The following GADL1 variants were observed in gnomAD, a reference collection of about 807,000 sequenced individuals.
GADL1 encodes GAD like acidic amino acid decarboxylase 1, also known as acidic amino acid decarboxylase GADL1.
GADL1 carries 71 observed loss-of-function variants against 69.5 expected under a neutral mutation model. The ratio of observed to expected loss-of-function variants is 1.02; its 90% confidence interval spans 0.84 to 1.25. The LOEUF is 1.25. Ranked by LOEUF, GADL1 falls within the 50% of genes most tolerant of loss-of-function variation. GADL1 has a pLI of 0.00. For missense variants in GADL1, 737 were observed against 631.8 expected (o/e 1.17, Z -1.79); for synonymous variants, 254 against 214.4 (o/e 1.18, Z -1.62).
At chr3:30,794,577 G>A (rs1262566446) in intron 12 of GADL1, among the ~76,000 whole-genome samples, 1 of 151,990 alleles carries the variant, frequency 6.6e-6, no homozygotes, top group Non-Finnish European at 1.5e-5. Flanking sequence ...ACTGATTTTC[G>A]AACCAAAGAA....
intron 14 of GADL1, among the ~76,000 whole-genome samples, chr3:30,754,113 T>TTA (rs1695906118): frequency 6.6e-6 from 1 of 152,240 alleles, no homozygotes; most frequent in Non-Finnish European, 1.5e-5. Flanking sequence ...TGATTGCTAA[T>TTA]GTGCCTCCCA....
intron 11 of GADL1, among the ~76,000 whole-genome samples, chr3:30,821,934 T>C (rs1489458877): frequency 6.6e-6 from 1 of 152,024 alleles, no homozygotes; most frequent in Non-Finnish European, 1.5e-5. Context: ...TTCCTCTACT[T>C]TTCTCCTCCA....
chr3:30,811,337 T>C (rs1181899871), intron 11 of GADL1, among the ~76,000 whole-genome samples: 3 of 152,228 alleles, frequency 2.0e-5, no homozygotes, highest in African/African-American at 7.2e-5. Flanking sequence ...AGAGAATGTG[T>C]AAGTGCCTCT....
At chr3:30,872,903 T>C (rs996782681) in intron 1 of GADL1, among the ~76,000 whole-genome samples, 2 of 151,966 alleles carry the variant, frequency 1.3e-5, no homozygotes, top group Non-Finnish European at 2.9e-5. Flanking sequence ...TTACTAAGTA[T>C]ACTCTCTTGA....
rs574784962 is a variant in GADL1, at chr3:30,802,174, G to T, written c.1051-1086C>A. On this transcript the variant is annotated intron_variant, in intron 11 of 14. Coordinates refer to ENST00000282538, the MANE Select transcript of GADL1 (RefSeq NM_207359.3). The stretch of plus-strand genomic sequence containing the variant: ...TCTCCTTGGGCTCAAAGGAGTAACT[G>T]GTATTTGGCTGCATTTGTTGGCCTT... 5.3e-5 allele frequency among the ~76,000 whole-genome samples: 8 copies of T among 152,196 alleles called. No homozygotes were observed. The South Asian group carries it at 1.7e-3, about 32-fold the overall frequency.
Position 30,751,701 on chromosome 3 carries a change from C to T in GADL1, c.1393-23286G>A, listed in dbSNP as rs145569685. The stretch of plus-strand genomic sequence containing the variant: ...CATCTAGTCTTAACTACAATCGTGT[C>T]TCATAGACACGGAGATCTATGCACT... On this transcript the variant is annotated intron_variant, in intron 14 of 14. Transcript: ENST00000282538. 1.6e-4 allele frequency among the ~76,000 whole-genome samples: 25 copies of T among 152,296 alleles called. No homozygotes were observed. The East Asian group carries it at 4.4e-3, about 27-fold the overall frequency.
intron 14 of GADL1, among the ~76,000 whole-genome samples, chr3:30,763,305 T>C (rs1438006236): frequency 6.6e-6 from 1 of 152,054 alleles, no homozygotes; most frequent in Non-Finnish European, 1.5e-5. Context: ...GAGACCATCC[T>C]GGCTAACACG....
At chr3:30,814,967 T>A (rs921745500) in intron 11 of GADL1, among the ~76,000 whole-genome samples, 11 of 131,794 alleles carry the variant, frequency 8.3e-5, no homozygotes, top group African/African-American at 2.5e-4. Context: ...CTGTCTCATT[T>A]AAAAAAAAAA....
intron 11 of GADL1, among the ~76,000 whole-genome samples, chr3:30,810,953 C>G (rs1216575771): frequency 6.6e-6 from 1 of 152,132 alleles, no homozygotes; most frequent in Non-Finnish European, 1.5e-5. Context: ...CTATGAACTG[C>G]TAAGAGCTCA....
chr3:30,842,722 A>G (rs1697987357), intron 8 of GADL1, among the ~76,000 whole-genome samples: 1 of 151,890 alleles, frequency 6.6e-6, no homozygotes, highest in Non-Finnish European at 1.5e-5. Flanking sequence ...TCTCAGCAGA[A>G]CGAACTTACA....
At chr3:30,769,039 A>T (rs1305500501) in intron 14 of GADL1, among the ~76,000 whole-genome samples, 1 of 152,106 alleles carries the variant, frequency 6.6e-6, no homozygotes, top group East Asian at 1.9e-4. Context: ...ATTTTCCTTA[A>T]TGGTTGTGTT....
chr3:30,785,840 A>C (rs1218587427), intron 13 of GADL1, among the ~76,000 whole-genome samples: 1 of 152,218 alleles, frequency 6.6e-6, no homozygotes, highest in Admixed American at 6.5e-5. Context: ...ATATTTTCTA[A>C]ACATGTTTTA....
At chr3:30,790,198 C>G (rs960700863) in intron 12 of GADL1, among the ~76,000 whole-genome samples, 3 of 152,064 alleles carry the variant, frequency 2.0e-5, no homozygotes, top group African/African-American at 2.4e-5. Flanking sequence ...ATTGCTGTGT[C>G]TCAGGAAATT....
intron 14 of GADL1, among the ~76,000 whole-genome samples, chr3:30,742,738 T>C (rs1575180535): frequency 6.6e-6 from 1 of 152,216 alleles, no homozygotes. Context: ...CTAAATATCA[T>C]ACAAGAAAAC....
intron 14 of GADL1, among the ~76,000 whole-genome samples, chr3:30,729,946 AAT>A (rs2125467923): frequency 6.6e-6 from 1 of 152,346 alleles, no homozygotes; most frequent in African/African-American, 2.4e-5. Flanking sequence ...ATGAAAAGAA[AAT>A]ATATGAGTGT....
At chr3:30,790,822 C>T (rs1053601185) in intron 12 of GADL1, among the ~76,000 whole-genome samples, 6 of 151,942 alleles carry the variant, frequency 3.9e-5, no homozygotes, top group Admixed American at 1.3e-4. Context: ...TAACTAGAAA[C>T]AAGATTAATA....
chr3:30,786,056 A>G (rs1006889890), intron 13 of GADL1, among the ~76,000 whole-genome samples: 3 of 152,236 alleles, frequency 2.0e-5, no homozygotes, highest in Non-Finnish European at 4.4e-5. Context: ...GAATATTTGC[A>G]GTACAATCAT....
At chr3:30,754,140 T>C (rs1258386723) in intron 14 of GADL1, among the ~76,000 whole-genome samples, 1 of 152,188 alleles carries the variant, frequency 6.6e-6, no homozygotes, top group Non-Finnish European at 1.5e-5. Flanking sequence ...TAAAAACCCT[T>C]TTAAGAAAAA....
At chr3:30,755,198 TATC>T (rs769888436) in intron 14 of GADL1, among the ~76,000 whole-genome samples, 6 of 152,282 alleles carry the variant, frequency 3.9e-5, no homozygotes, top group Admixed American at 6.5e-5. Flanking sequence ...CTGTAAATCA[TATC>T]ATTTATATTT....
Sources: allele counts gnomAD v4.1 joint callset (sites outside exome capture counted in the v4.1 genomes callset), GRCh38; gene constraint gnomAD v4.1.1; transcripts MANE v1.5; gene names NCBI Gene and HGNC (gene_info 2026-07-23, HGNC 2026-07-21).